The following RIN3 variants were observed in gnomAD, a reference collection of about 807,000 sequenced individuals.
RIN3 encodes RAB5 interacting protein 3.
RIN3 carries 54 observed loss-of-function variants against 76.3 expected under a neutral mutation model. That is an observed-to-expected ratio of 0.71 (90% CI 0.57 to 0.89). The LOEUF (loss-of-function observed/expected upper bound fraction) is 0.89. Among genes scored for constraint, RIN3 ranks in the 40% least tolerant of loss-of-function variants. RIN3 has a pLI of 0.00. For synonymous variants in RIN3, 576 were observed against 564.0 expected (o/e 1.02, Z -0.30); for missense variants, 1,256 against 1,322.1 (o/e 0.95, Z 0.78).
At chr14:92,547,096 T>TTATAAAGTA (rs1566836618) in intron 1 of RIN3, among the ~76,000 whole-genome samples, 1 of 94,846 alleles carries the variant, frequency 1.1e-5, no homozygotes, top group Non-Finnish European at 2.3e-5. Flanking sequence ...TATTATATTA[T>TTATAAAGTA]AATTAAATAA....
In RIN3 at chr14:92,568,976, T is replaced by C. The variant is rs1166596948; in HGVS notation, c.250-8384T>C. ...CCTGGCCCTAGTCCTGCTCTGGCAG[T>C]TGCCAGCTGTGTGGCTCTGGGGAGG... On this transcript the variant is annotated intron_variant, in intron 2 of 9. Transcript: ENST00000216487. This position sits in a 1 kb window ranked among gnomAD's most constrained non-coding sequence, Gnocchi z 4.2. 6.6e-6 allele frequency among the ~76,000 whole-genome samples: 1 copy of C among 152,216 alleles called. No homozygotes were observed. The highest frequency in any genetic ancestry group is 2.4e-5 in the African/African-American group (1 of 41,470).
chr14:92,552,723 C>T (rs1897464346), intron 1 of RIN3, among the ~76,000 whole-genome samples: 3 of 152,144 alleles, frequency 2.0e-5, no homozygotes, highest in African/African-American at 7.2e-5. Flanking sequence ...TCCCTGGCCA[C>T]CCAGTTTGGA....
At chr14:92,520,797 C>G in intron 1 of RIN3, among the ~76,000 whole-genome samples, 1 of 152,284 alleles carries the variant, frequency 6.6e-6, no homozygotes, top group East Asian at 1.9e-4. Context: ...AACAAGCTGT[C>G]AAGAAAGAGT....
rs759402716 is a variant in RIN3 at position 92,688,205 on chromosome 14, G to GGGAGCCCGCCCTGCCTGGTGGT, written c.2912_2913insGAGCCCGCCCTGCCTGGTGGTG (p.Gly972SerfsTer99). On this transcript the variant is annotated frameshift_variant, in exon 10 of 10. Coordinates refer to ENST00000216487, the MANE Select transcript of RIN3 (RefSeq NM_024832.5). LOFTEE classifies it high-confidence loss of function. Reference sequence around the variant, plus strand: ...CCTGGACGGTGGTGGCGGCGGCGGCGGCGGGAGCCCGCCCTGCCTGGTGGT... The same window carrying GGGAGCCCGCCCTGCCTGGTGGT: ...CCTGGACGGTGGTGGCGGCGGCGGCGGGAGCCCGCCCTGCCTGGTGGTGCGGGAGCCCGCCCTGCCTGGTGGT... 1 of 1,605,714 alleles carries GGGAGCCCGCCCTGCCTGGTGGT rather than the reference G, an allele frequency of 6.2e-7. No homozygotes were observed. Among genetic ancestry groups the GGGAGCCCGCCCTGCCTGGTGGT allele is most frequent in the East Asian group, 2.2e-5 (1 of 44,720 alleles).
At chr14:92,539,452 G>A (rs1452651023) in intron 1 of RIN3, among the ~76,000 whole-genome samples, 1 of 152,184 alleles carries the variant, frequency 6.6e-6, no homozygotes, top group Non-Finnish European at 1.5e-5. Flanking sequence ...GAGAGCCTGA[G>A]TCACTTGTGA....
Position 92,652,721 on chromosome 14 carries a change from G to A in RIN3, c.1672G>A (p.Glu558Lys), listed in dbSNP as rs1296072105. ...CTACTCCACCAGCAGCACGGAGGAGGAGCTGGAGCAGTTCAGCAGCCCCAG... is the reference window on the plus strand; with the variant it reads ...CTACTCCACCAGCAGCACGGAGGAGAAGCTGGAGCAGTTCAGCAGCCCCAG... Reference protein sequence around the residue: ...DSYSTSSTEEELEQFSSPSVK... With the variant: ...DSYSTSSTEEKLEQFSSPSVK... The change falls in exon 6 of 10, where the codon GAG becomes AAG. Residue 558 changes from glutamate (E) to lysine (K), a missense_variant. Physicochemically the swap from Glu to Lys is moderately conservative, Grantham distance 56. Around this residue, in one of 3 missense-constraint regions of RIN3, gnomAD observed 428 missense variants for 521.2 expected, o/e 0.82. Transcript: ENST00000216487. The surrounding 1 kb of genome is among the most constrained non-coding windows in gnomAD (Gnocchi z 6.4). 1 of 1,613,576 alleles carries A rather than the reference G, an allele frequency of 6.2e-7. No individual in the cohort carries two copies. Among genetic ancestry groups the A allele is most frequent in the Non-Finnish European group, 8.5e-7 (1 of 1,180,046 alleles).
intron 2 of RIN3, among the ~76,000 whole-genome samples, chr14:92,559,562 A>T (rs140792730): frequency 2.6e-5 from 4 of 152,234 alleles, no homozygotes; most frequent in Non-Finnish European, 4.4e-5. Context: ...CCATGCACCA[A>T]TATGAACCGT....
intron 4 of RIN3, among the ~76,000 whole-genome samples, chr14:92,618,194 T>G (rs975357479): frequency 2.0e-5 from 3 of 152,188 alleles, no homozygotes; most frequent in African/African-American, 7.2e-5. Flanking sequence ...CGAATAAAAG[T>G]ACACCCCATA....
rs1885918555 is a variant in RIN3 at position 92,615,444 on chromosome 14, C to T, written c.405C>T (p.Asp135=). ...AAGGCTCGGCTCTTGTGTTTGAGGA[C>T]ATCTTCAGATTGATTGCGTTCTACT... ...YLEGSALVFE[D]IFRLIAFYCV... Residue 135 remains aspartate, a synonymous_variant, in exon 4 of 10, where the codon GAC becomes GAT. Coordinates refer to ENST00000216487, the MANE Select transcript of RIN3 (RefSeq NM_024832.5). 6.2e-7 allele frequency: 1 copy of T among 1,614,050 alleles called. No homozygotes were observed. Among genetic ancestry groups the T allele is most frequent in the Non-Finnish European group, 8.5e-7 (1 of 1,180,026 alleles).
chr14:92,571,791 T>C (rs1017988512), intron 2 of RIN3, among the ~76,000 whole-genome samples: 3 of 152,168 alleles, frequency 2.0e-5, no homozygotes, highest in Non-Finnish European at 2.9e-5. Flanking sequence ...ATTACAGTTT[T>C]GTATAAAAGA....
Position 92,681,505 on chromosome 14 carries a change from A to T in RIN3, c.2468-3482A>T, listed in dbSNP as rs545775316. Among the ~76,000 whole-genome samples the T allele has an allele frequency of 4.6e-5, 7 of 152,202 alleles. No individual in the cohort carries two copies. The highest frequency in any genetic ancestry group is 8.8e-5 in the Non-Finnish European group (6 of 68,044). ...TTTCACAACTTTATGATGTTTGCAG[A>T]TAAGGAAACTGAGGCATAGAGAGGC... On this transcript the variant is annotated intron_variant, in intron 8 of 9. Coordinates refer to ENST00000216487, the MANE Select transcript of RIN3 (RefSeq NM_024832.5). The surrounding 1 kb of genome is among the most constrained non-coding windows in gnomAD (Gnocchi z 4.7).
intron 2 of RIN3, among the ~76,000 whole-genome samples, chr14:92,561,468 C>T (rs994107970): frequency 6.6e-6 from 1 of 151,288 alleles, no homozygotes; most frequent in African/African-American, 2.4e-5. Flanking sequence ...AAATAGCCAC[C>T]TTTATTTATT....
At chr14:92,673,509 CTT>C (rs34245765) in intron 7 of RIN3, among the ~76,000 whole-genome samples, 9 of 146,820 alleles carry the variant, frequency 6.1e-5, no homozygotes, top group Non-Finnish European at 7.5e-5. Flanking sequence ...AAAATATCCA[CTT>C]TTTTTTTTTT....
intron 7 of RIN3, among the ~76,000 whole-genome samples, chr14:92,662,119 C>A (rs570371545): frequency 8.7e-4 from 132 of 152,324 alleles, no homozygotes; most frequent in Non-Finnish European, 9.3e-4. Context: ...GTATGCCCTG[C>A]CAGGCGACAT....
chr14:92,605,208 G>A (rs942401658), intron 3 of RIN3, among the ~76,000 whole-genome samples: 11 of 152,164 alleles, frequency 7.2e-5, no homozygotes, highest in East Asian at 1.9e-4. Flanking sequence ...ACCACTCCCC[G>A]CCCCATTTAC....
In RIN3 at chr14:92,669,378, G is replaced by C. The variant is rs1254110210; in HGVS notation, c.2336-7097G>C. ...TCCTGGGACTGGGTGGTCAGGGAAGGCCTCTCTGAGTTAACGTGTGATATT... is the reference window on the plus strand; with the variant it reads ...TCCTGGGACTGGGTGGTCAGGGAAGCCCTCTCTGAGTTAACGTGTGATATT... On this transcript the variant is annotated intron_variant, in intron 7 of 9. Coordinates refer to ENST00000216487, the MANE Select transcript of RIN3 (RefSeq NM_024832.5). 2.6e-5 allele frequency among the ~76,000 whole-genome samples: 4 copies of C among 152,236 alleles called. No homozygotes were observed. The East Asian group carries it at 7.7e-4, about 29-fold the overall frequency.
At chr14:92,646,807 C>G (rs553957633) in intron 5 of RIN3, among the ~76,000 whole-genome samples, 9 of 152,170 alleles carry the variant, frequency 5.9e-5, no homozygotes, top group African/African-American at 1.7e-4. Flanking sequence ...ATAATCTCAC[C>G]CCTGCTGCAA....
intron 1 of RIN3, among the ~76,000 whole-genome samples, chr14:92,533,987 T>G (rs559889187): frequency 4.6e-5 from 7 of 152,252 alleles, no homozygotes; most frequent in Non-Finnish European, 7.4e-5. Context: ...AATGACAAAA[T>G]TCTATTGGAT....
Position 92,688,262 on chromosome 14 carries a change from G to A in RIN3, c.*10G>A, listed in dbSNP as rs1888956122. 6.4e-7 allele frequency: 1 copy of A among 1,560,250 alleles called. No homozygotes were observed. Among genetic ancestry groups the A allele is most frequent in the Admixed American group, 1.8e-5 (1 of 54,862 alleles). The stretch of plus-strand genomic sequence containing the variant: ...GCCCAACTTCCTGTGAGGCCCTCCC[G>A]GGGCGCCTCCCCTCACCCCCAGGCG... On this transcript the variant is annotated 3_prime_UTR_variant, in exon 10 of 10. Transcript: ENST00000216487.
Sources: allele counts gnomAD v4.1 joint callset (sites outside exome capture counted in the v4.1 genomes callset), GRCh38; gene constraint gnomAD v4.1.1; regional missense constraint gnomAD v4.1.1; non-coding constraint Gnocchi (gnomAD v3.1); transcripts MANE v1.5; gene names NCBI Gene and HGNC (gene_info 2026-07-23, HGNC 2026-07-21).